Variants in RHOH observed in about 807,000 individuals in gnomAD.
The protein encoded by RHOH is ras homolog family member H.
Under a neutral mutation model 13.8 loss-of-function variants are expected in RHOH, and 6 were observed. The ratio of observed to expected loss-of-function variants is 0.44; its 90% confidence interval spans 0.24 to 0.86. The LOEUF (loss-of-function observed/expected upper bound fraction) is 0.86, where lower values mean the gene tolerates loss of function less well. Among genes scored for constraint, RHOH ranks in the 40% least tolerant of loss-of-function variants. The pLI, the probability that RHOH is intolerant of heterozygous loss-of-function variation, is 0.24. For synonymous variants in RHOH, 117 were observed against 103.0 expected (o/e 1.14, Z -0.82); for missense variants, 147 against 244.5 (o/e 0.60, Z 2.66).
intron 1 of RHOH, among the ~76,000 whole-genome samples, chr4:40,213,940 G>A (rs1261544905): frequency 1.3e-5 from 2 of 151,874 alleles, no homozygotes; most frequent in Non-Finnish European, 2.9e-5. Flanking sequence ...TATTTTTAGT[G>A]GAGACAGGGT....
At chr4:40,220,688 T>C (rs1263806458) in intron 1 of RHOH, among the ~76,000 whole-genome samples, 1 of 152,236 alleles carries the variant, frequency 6.6e-6, no homozygotes, top group Non-Finnish European at 1.5e-5. Flanking sequence ...CCCATTAGGC[T>C]CCTTAAAAGT....
intron 1 of RHOH, among the ~76,000 whole-genome samples, chr4:40,212,951 G>A (rs183881433): frequency 2.6e-5 from 4 of 152,344 alleles, no homozygotes; most frequent in Admixed American, 6.5e-5. Context: ...TATAGGGAAG[G>A]TTCCCCTAAA....
chr4:40,195,160 TC>T (rs1274173881), upstream of RHOH, among the ~76,000 whole-genome samples: 1 of 152,202 alleles, frequency 6.6e-6, no homozygotes, highest in Non-Finnish European at 1.5e-5. Context: ...GGCCTCATTT[TC>T]AAATTTCTTG....
chr4:40,196,636 G>A (rs1723165381), upstream of RHOH, among the ~76,000 whole-genome samples: 1 of 148,976 alleles, frequency 6.7e-6, no homozygotes, highest in Admixed American at 6.7e-5. Context: ...TGGGGGGAAA[G>A]TTCTAAGGTG....
intron 1 of RHOH, among the ~76,000 whole-genome samples, chr4:40,198,231 C>CGAAGTG (rs1186570413): frequency 2.6e-5 from 4 of 151,974 alleles, no homozygotes; most frequent in African/African-American, 9.7e-5. Flanking sequence ...TGGAAGAATG[C>CGAAGTG]GAAGTGTCGG....
chr4:40,220,620 T>A lies in RHOH; in HGVS notation c.-330-22094T>A, dbSNP rs1349653876. ...TTATTAACTAAGTAAAAAAAAAAAT[T>A]TTTTTAACCTCTGGGCCTAGTCTAA... On this transcript the variant is annotated intron_variant, in intron 1 of 2. Coordinates refer to ENST00000381799, the MANE Select transcript of RHOH (RefSeq NM_004310.5). 2.0e-5 allele frequency among the ~76,000 whole-genome samples: 3 copies of A among 152,078 alleles called. No homozygotes were observed. In the East Asian group the frequency reaches 5.8e-4, roughly 29 times the overall value.
intron 1 of RHOH, among the ~76,000 whole-genome samples, chr4:40,201,710 A>G (rs1002036912): frequency 1.3e-5 from 2 of 151,908 alleles, no homozygotes; most frequent in Non-Finnish European, 2.9e-5. Context: ...CTAGCATGCT[A>G]CTGAGGAACT....
At chr4:40,192,515 A>G (rs2109324345), upstream of RHOH, among the ~76,000 whole-genome samples, 1 of 152,344 alleles carries the variant, frequency 6.6e-6, no homozygotes, top group Admixed American at 6.5e-5. Flanking sequence ...TAAGTGGCAC[A>G]ACACCTTTGC....
In RHOH at chr4:40,243,408, G is replaced by A. The variant is rs376976480; in HGVS notation, c.22G>A (p.Val8Met). 3.1e-6 allele frequency: 5 copies of A among 1,600,114 alleles called. No individual in the cohort carries two copies. The highest frequency in any genetic ancestry group is 2.2e-5 in the East Asian group (1 of 44,634). The change falls in exon 3 of 3, where the codon GTG becomes ATG. Residue 8 changes from valine (V) to methionine (M), a missense_variant. Val to Met is a conservative substitution (Grantham distance 21, BLOSUM62 1). This residue lies in a region of RHOH where 80 missense variants were observed against 152.0 expected (regional missense o/e 0.53). Transcript: ENST00000381799. This position sits in a 1 kb window ranked among gnomAD's most constrained non-coding sequence, Gnocchi z 6.2. ...GAAGATGCTGAGTTCCATCAAGTGC[G>A]TGTTGGTGGGCGACTCTGCTGTGGG... MLSSIKC[V>M]LVGDSAVGKT...
chr4:40,227,652 C>CTATA (rs150709969), intron 1 of RHOH, among the ~76,000 whole-genome samples: 9 of 148,970 alleles, frequency 6.0e-5, no homozygotes, highest in African/African-American at 1.2e-4. Flanking sequence ...TACCTGGGCA[C>CTATA]TATATATATA....
At chr4:40,214,947 C>T (rs1008597209) in intron 1 of RHOH, among the ~76,000 whole-genome samples, 1 of 152,098 alleles carries the variant, frequency 6.6e-6, no homozygotes, top group Non-Finnish European at 1.5e-5. Context: ...CTAGTCCTGA[C>T]GAGAGCTGCG....
intron 1 of RHOH, among the ~76,000 whole-genome samples, chr4:40,209,878 T>C (rs973372685): frequency 6.6e-6 from 1 of 152,184 alleles, no homozygotes; most frequent in African/African-American, 2.4e-5. Context: ...AGTAGGAAAA[T>C]AAAGGAAAAT....
upstream of RHOH, chr4:40,193,066 G>T: frequency 6.5e-6 from 1 of 152,778 alleles, no homozygotes. Context: ...ATTTCTGAGT[G>T]GGCAAGGCTG....
intron 1 of RHOH, among the ~76,000 whole-genome samples, chr4:40,238,777 C>T (rs751823341): frequency 3.9e-5 from 6 of 152,164 alleles, no homozygotes; most frequent in Admixed American, 1.3e-4. Flanking sequence ...GTAACTCTTC[C>T]GTACGAAGAG....
In RHOH at chr4:40,218,895, G is replaced by T. The variant is rs2109440453; in HGVS notation, c.-331+21595G>T. Among the ~76,000 whole-genome samples, 1 of 152,272 alleles carries T rather than the reference G, an allele frequency of 6.6e-6. No individual in the cohort carries two copies. Among genetic ancestry groups the T allele is most frequent in the Admixed American group, 6.5e-5 (1 of 15,304 alleles). ...ACAAGCTGCCTCTATATACAGTATAGTGAGAAAGTCTCAACCACCACATTG... is the reference window on the plus strand; with the variant it reads ...ACAAGCTGCCTCTATATACAGTATATTGAGAAAGTCTCAACCACCACATTG... On this transcript the variant is annotated intron_variant, in intron 1 of 2. Transcript: ENST00000381799. This position sits in a 1 kb window ranked among gnomAD's most constrained non-coding sequence, Gnocchi z 4.1.
At chr4:40,197,534 G>A (rs977828760) in intron 1 of RHOH, among the ~76,000 whole-genome samples, 1 of 152,236 alleles carries the variant, frequency 6.6e-6, no homozygotes. Flanking sequence ...ACAATAGTTG[G>A]CTTTTTGGTT....
rs778047542 is a variant in RHOH at position 40,243,410 on chromosome 4, GT to G, written c.26del (p.Leu9TrpfsTer72). The G allele has an allele frequency of 6.2e-7, 1 of 1,601,278 alleles. No homozygotes were observed. Among genetic ancestry groups the G allele is most frequent in the Non-Finnish European group, 8.5e-7 (1 of 1,172,664 alleles). ...AGATGCTGAGTTCCATCAAGTGCGTGTTGGTGGGCGACTCTGCTGTGGGGAA... is the reference window on the plus strand; with the variant it reads ...AGATGCTGAGTTCCATCAAGTGCGTGTGGTGGGCGACTCTGCTGTGGGGAA... MLSSIKCV[L>X]VGDSAVGKTS... is the part of the protein sequence containing the mutation. On this transcript the variant is annotated frameshift_variant, in exon 3 of 3. Coordinates refer to ENST00000381799, the MANE Select transcript of RHOH (RefSeq NM_004310.5). LOFTEE classifies it high-confidence loss of function. The surrounding 1 kb of genome is among the most constrained non-coding windows in gnomAD (Gnocchi z 6.2).
upstream of RHOH, among the ~76,000 whole-genome samples, chr4:40,196,694 T>G (rs370172790): frequency 2.6e-3 from 380 of 145,742 alleles, no homozygotes; most frequent in Middle Eastern, 0.01. Flanking sequence ...GGCATGGACT[T>G]TTTTTTTTTT....
chr4:40,191,240 A>G (rs1213065529), upstream of RHOH: 1 of 152,198 alleles, frequency 6.6e-6, no homozygotes, highest in Non-Finnish European at 1.5e-5. Context: ...CCTGCCGCAC[A>G]ATCTTTAAAA....
Sources: gnomAD v4.1 joint callset for allele counts (sites outside exome capture counted in the v4.1 genomes callset) on GRCh38, gnomAD v4.1.1 for gene constraint, gnomAD v4.1.1 regional missense constraint, Gnocchi (gnomAD v3.1) non-coding constraint, MANE v1.5 for transcripts, NCBI Gene and HGNC (gene_info 2026-07-23, HGNC 2026-07-21) for gene names.